Variants in TBC1D12 observed in about 807,000 individuals in gnomAD.
The protein encoded by TBC1D12 is TBC1 domain family, member 12.
In TBC1D12, 56 loss-of-function variants were observed where a neutral mutation model predicts 86.7. The ratio of observed to expected loss-of-function variants is 0.65; its 90% CI spans 0.52 to 0.81. The LOEUF is 0.81. TBC1D12 is among the 30% of genes least tolerant of loss of function. TBC1D12 has a pLI of 0.00. For synonymous variants in TBC1D12, 421 were observed against 411.7 expected (o/e 1.02, Z -0.27); for missense variants, 1,023 against 1,038.8 (o/e 0.98, Z 0.21).
chr10:94,497,340 A>G (rs1204089354), intron 5 of TBC1D12, among the ~76,000 whole-genome samples, 168 bp downstream of exon 5: 1 of 151,182 alleles, frequency 6.6e-6, no homozygotes, highest in Admixed American at 6.6e-5. Context: ...CTGAGATCTC[A>G]TGTTTCTGAT....
chr10:94,503,503 T>C (rs1182506488), intron 6 of TBC1D12, among the ~76,000 whole-genome samples: 1 of 152,242 alleles, frequency 6.6e-6, no homozygotes, highest in Admixed American at 6.5e-5. Flanking sequence ...TAACAAAAAT[T>C]AAATGTTTAC....
chr10:94,429,720 C>G (rs1041885069), intron 1 of TBC1D12, among the ~76,000 whole-genome samples: 1 of 152,042 alleles, frequency 6.6e-6, no homozygotes, highest in East Asian at 1.9e-4. Context: ...TTTACTCTTT[C>G]AATTGATTCT....
chr10:94,469,871 T>A (rs2055878463), intron 2 of TBC1D12, among the ~76,000 whole-genome samples: 1 of 152,198 alleles, frequency 6.6e-6, no homozygotes, highest in Non-Finnish European at 1.5e-5. Context: ...GCCCTGATGT[T>A]CAGTATTGCC....
intron 1 of TBC1D12, among the ~76,000 whole-genome samples, chr10:94,421,087 A>G (rs2055067280): frequency 6.6e-6 from 1 of 152,180 alleles, no homozygotes; most frequent in South Asian, 2.1e-4. Context: ...ACCAAAACTT[A>G]TTCCTCCTAT....
intron 1 of TBC1D12, among the ~76,000 whole-genome samples, chr10:94,405,575 GT>G (rs2054842605): frequency 6.6e-6 from 1 of 152,114 alleles, no homozygotes; most frequent in South Asian, 2.1e-4. Flanking sequence ...GCCTTTGGGT[GT>G]TTGTTGGTCA....
intron 2 of TBC1D12, among the ~76,000 whole-genome samples, chr10:94,448,093 G>A (rs1483098536): frequency 6.6e-6 from 1 of 151,884 alleles, no homozygotes; most frequent in Non-Finnish European, 1.5e-5. Context: ...AATTTTGACA[G>A]GCAAGGAAAA....
chr10:94,416,475 C>G (rs2054999098), intron 1 of TBC1D12, among the ~76,000 whole-genome samples: 1 of 152,200 alleles, frequency 6.6e-6, no homozygotes. Flanking sequence ...AAATACAATT[C>G]AATTCATTTA....
At chr10:94,416,682 T>C (rs2055002818) in intron 1 of TBC1D12, among the ~76,000 whole-genome samples, 1 of 152,122 alleles carries the variant, frequency 6.6e-6, no homozygotes, top group South Asian at 2.1e-4. Context: ...AATATCAATG[T>C]TTACAATATT....
Position 94,533,149 on chromosome 10 carries a change from G to A in TBC1D12, c.*53G>A, listed in dbSNP as rs933439473. On this transcript the variant is annotated 3_prime_UTR_variant, in exon 13 of 13. Coordinates refer to ENST00000225235, the MANE Select transcript of TBC1D12 (RefSeq NM_015188.2). ...TAGAAAAAGTGGTTTTTGGATAAAG[G>A]TTTTTTGTTTCCTATGTAAAAGGCG... 2.5e-6 allele frequency: 3 copies of A among 1,197,834 alleles called. No individual in the cohort carries two copies. Among genetic ancestry groups the A allele is most frequent in the African/African-American group, 1.6e-5 (1 of 64,262 alleles). 74.2% of individuals were successfully genotyped at this position (1,197,834 alleles called of 1,614,324 possible).
chr10:94,507,251 T>C lies in TBC1D12; in HGVS notation c.1520-16T>C. 1 of 1,599,146 alleles carries C rather than the reference T, an allele frequency of 6.3e-7. No individual in the cohort carries two copies. Among genetic ancestry groups the C allele is most frequent in the Non-Finnish European group, 8.5e-7 (1 of 1,176,678 alleles). On this transcript the variant is annotated splice_polypyrimidine_tract_variant and intron_variant, in intron 6 of 12. Coordinates refer to ENST00000225235, the MANE Select transcript of TBC1D12 (RefSeq NM_015188.2). Reference sequence around the variant, plus strand: ...TCCTATTATTCATACATTTTTGTTCTCCCCCCAACCCCCAGAACTTTATGA... The same window carrying C: ...TCCTATTATTCATACATTTTTGTTCCCCCCCCAACCCCCAGAACTTTATGA...
chr10:94,500,949 G>C (rs931586524), intron 6 of TBC1D12, among the ~76,000 whole-genome samples: 1 of 152,040 alleles, frequency 6.6e-6, no homozygotes, highest in Non-Finnish European at 1.5e-5. Flanking sequence ...CCAGCTACTT[G>C]GGAGGCTGAG....
chr10:94,412,478 C>A (rs757711154), intron 1 of TBC1D12, among the ~76,000 whole-genome samples: 1 of 152,146 alleles, frequency 6.6e-6, no homozygotes, highest in Non-Finnish European at 1.5e-5. Flanking sequence ...TATGACATTT[C>A]CCGAAGTCTT....
intron 1 of TBC1D12, among the ~76,000 whole-genome samples, chr10:94,406,890 G>A (rs2054860569): frequency 6.6e-6 from 1 of 152,106 alleles, no homozygotes. Context: ...TTGAAACCAG[G>A]ATTCCTGATT....
chr10:94,519,861 A>G (rs1428359332), intron 9 of TBC1D12, among the ~76,000 whole-genome samples: 2 of 152,134 alleles, frequency 1.3e-5, no homozygotes, highest in Admixed American at 1.3e-4. Context: ...ATAATTCAGG[A>G]TAAGCTCCCT....
chr10:94,514,058 A>G (rs79823241), intron 9 of TBC1D12, among the ~76,000 whole-genome samples: 2 of 151,930 alleles, frequency 1.3e-5, no homozygotes, highest in African/African-American at 4.8e-5. Context: ...AACAAAAAAA[A>G]AAAAACAGGC....
chr10:94,435,271 G>T (rs2055278274), intron 1 of TBC1D12, among the ~76,000 whole-genome samples: 1 of 152,120 alleles, frequency 6.6e-6, no homozygotes, highest in African/African-American at 2.4e-5. Context: ...AACTTTATGA[G>T]CTAGAAACAA....
At chr10:94,435,319 A>G (rs2055278930) in intron 1 of TBC1D12, among the ~76,000 whole-genome samples, 1 of 152,238 alleles carries the variant, frequency 6.6e-6, no homozygotes, top group Non-Finnish European at 1.5e-5. Context: ...ACAAATTTAT[A>G]TCATGTAAAT....
chr10:94,474,228 A>G (rs1024929188), intron 2 of TBC1D12, among the ~76,000 whole-genome samples: 1 of 152,132 alleles, frequency 6.6e-6, no homozygotes, highest in African/African-American at 2.4e-5. Flanking sequence ...GGCAATTAAG[A>G]ATGTCTTCCT....
chr10:94,423,951 G>GC (rs2055113526), intron 1 of TBC1D12, among the ~76,000 whole-genome samples: 1 of 152,084 alleles, frequency 6.6e-6, no homozygotes. Context: ...TAAATGTCCA[G>GC]AAAAAATATT....
Sources: gnomAD v4.1 joint callset for allele counts (sites outside exome capture counted in the v4.1 genomes callset) on GRCh38, gnomAD v4.1.1 for gene constraint, MANE v1.5 for transcripts, NCBI Gene and HGNC (gene_info 2026-07-23, HGNC 2026-07-21) for gene names.